Variants in PCGF5 observed in about 807,000 individuals in gnomAD.
The protein encoded by PCGF5 is polycomb group ring finger 5, also known as polycomb group RING finger protein 5.
A neutral mutation model predicts 44.3 loss-of-function variants in PCGF5; 9 were observed. The ratio of observed to expected loss-of-function variants is 0.20; its 90% confidence interval spans 0.12 to 0.35. The LOEUF (loss-of-function observed/expected upper bound fraction) is 0.35, where lower values mean the gene tolerates loss of function less well. Ranked by LOEUF, PCGF5 falls within the 10% of genes least tolerant of loss-of-function variation. The pLI, the probability that PCGF5 is intolerant of heterozygous loss-of-function variation, is 1.00. For synonymous variants in PCGF5, 95 were observed against 102.5 expected (o/e 0.93, Z 0.44); for missense variants, 146 against 305.3 (o/e 0.48, Z 3.89).
At chr10:91,168,356 T>A (rs1246377807) in intron 1 of PCGF5, among the ~76,000 whole-genome samples, 1 of 151,656 alleles carries the variant, frequency 6.6e-6, no homozygotes, top group Non-Finnish European at 1.5e-5. Context: ...GGAAGGAGAT[T>A]TCGAAGGATC....
chr10:91,188,000 A>AGGGT (rs1400619506), intron 1 of PCGF5, among the ~76,000 whole-genome samples: 5 of 150,958 alleles, frequency 3.3e-5, no homozygotes, highest in South Asian at 2.1e-4. Context: ...TTATACTTTT[A>AGGGT]AGTTTTAGGG....
At chr10:91,273,676 G>C (rs1435112246) in intron 9 of PCGF5, among the ~76,000 whole-genome samples, 1 of 151,662 alleles carries the variant, frequency 6.6e-6, no homozygotes, top group African/African-American at 2.4e-5. Context: ...CATTAGAAAA[G>C]GTGGAATCCT....
intron 1 of PCGF5, among the ~76,000 whole-genome samples, chr10:91,210,302 G>T (rs1302686544): frequency 6.6e-6 from 1 of 152,258 alleles, no homozygotes; most frequent in East Asian, 1.9e-4. Flanking sequence ...TGAACGATGT[G>T]GAGTTAGTAT....
intron 1 of PCGF5, among the ~76,000 whole-genome samples, chr10:91,188,721 T>G (rs10881900): frequency 0.53 from 80,157 of 151,914 alleles, 21,507 homozygotes; most frequent in East Asian, 0.79. Flanking sequence ...CAGAGTCCTC[T>G]GTTATGGAGG....
intron 3 of PCGF5, among the ~76,000 whole-genome samples, chr10:91,243,612 T>C (rs933151252): frequency 1.3e-5 from 2 of 152,178 alleles, no homozygotes; most frequent in South Asian, 4.1e-4. Context: ...TCCAGTATGG[T>C]AGCAATTAGC....
upstream of PCGF5, among the ~76,000 whole-genome samples, chr10:91,219,512 C>G (rs1203058045): frequency 1.3e-5 from 2 of 152,148 alleles, no homozygotes; most frequent in Non-Finnish European, 2.9e-5. Context: ...AGATATGAAG[C>G]ATAAAGAGTA....
At chr10:91,203,728 G>A (rs1417789978) in intron 1 of PCGF5, among the ~76,000 whole-genome samples, 6 of 151,948 alleles carry the variant, frequency 3.9e-5, no homozygotes, top group East Asian at 1.9e-4. Context: ...TGTTTTCTCC[G>A]TTCTCTTAAC....
intron 1 of PCGF5, among the ~76,000 whole-genome samples, chr10:91,196,627 C>G (rs1266371706): frequency 6.6e-6 from 1 of 152,150 alleles, no homozygotes; most frequent in African/African-American, 2.4e-5. Context: ...CACACTTGCC[C>G]AGCTCCTTTC....
At chr10:91,157,606 A>C in the PCGF5 span, among the ~76,000 whole-genome samples, 2 of 152,202 alleles carry the variant, frequency 1.3e-5, no homozygotes, top group Non-Finnish European at 2.9e-5. Flanking sequence ...GAGACATCCC[A>C]AAGTGGAAGT....
chr10:91,159,147 A>T (rs1252177981), upstream of PCGF5, among the ~76,000 whole-genome samples: 1 of 152,224 alleles, frequency 6.6e-6, no homozygotes, highest in Non-Finnish European at 1.5e-5. Context: ...ATCATAAGAC[A>T]TAGCTTCAAA....
At chr10:91,253,807 A>G (rs374435372) in intron 6 of PCGF5, among the ~76,000 whole-genome samples, 31 of 152,106 alleles carry the variant, frequency 2.0e-4, no homozygotes, top group African/African-American at 4.8e-4. Flanking sequence ...GCCATGACCA[A>G]TCTCAGGGTC....
intron 1 of PCGF5, among the ~76,000 whole-genome samples, chr10:91,193,497 C>G (rs966329228): frequency 8.6e-5 from 13 of 151,636 alleles, no homozygotes; most frequent in East Asian, 3.9e-4. Context: ...ACAGAGAGAA[C>G]AGTGACAGCC....
At chr10:91,201,051 G>A (rs2133233913) in intron 1 of PCGF5, among the ~76,000 whole-genome samples, 1 of 152,222 alleles carries the variant, frequency 6.6e-6, no homozygotes, top group Middle Eastern at 3.4e-3. Context: ...GGGAGGTGAT[G>A]GGGAAAGTTT....
chr10:91,163,671 A>G (rs1473689273), intron 1 of PCGF5, among the ~76,000 whole-genome samples: 2 of 151,972 alleles, frequency 1.3e-5, no homozygotes, highest in African/African-American at 2.4e-5. Flanking sequence ...AGCTCAGGTT[A>G]TTATATAAGA....
intron 1 of PCGF5, among the ~76,000 whole-genome samples, chr10:91,193,130 G>A (rs1202123136): frequency 6.6e-6 from 1 of 152,080 alleles, no homozygotes; most frequent in Non-Finnish European, 1.5e-5. Context: ...AAGAAGGAAG[G>A]CATGTAGCCT....
At chr10:91,205,793 C>T (rs7098290) in intron 1 of PCGF5, among the ~76,000 whole-genome samples, 1,720 of 152,206 alleles carry the variant, frequency 0.011, 30 homozygotes, top group African/African-American at 0.04. Context: ...AGTTTGAGAC[C>T]AGCCTGGCCA....
At chr10:91,225,377 G>A (rs1418290540) in intron 2 of PCGF5, among the ~76,000 whole-genome samples, 9 of 151,056 alleles carry the variant, frequency 6.0e-5, no homozygotes, top group African/African-American at 2.2e-4. Context: ...CAGTTTAACT[G>A]CACATGTCAT....
At chr10:91,192,465 A>G (rs561837227) in intron 1 of PCGF5, among the ~76,000 whole-genome samples, 1 of 152,346 alleles carries the variant, frequency 6.6e-6, no homozygotes, top group Admixed American at 6.5e-5. Context: ...TTTGGTATTT[A>G]TCCATCTTGC....
At chr10:91,166,594 G>T (rs749323890) in intron 1 of PCGF5, among the ~76,000 whole-genome samples, 1 of 151,964 alleles carries the variant, frequency 6.6e-6, no homozygotes, top group Non-Finnish European at 1.5e-5. Context: ...TGCTTACTTG[G>T]TATAATTATT....
Sources: gnomAD v4.1 joint callset for allele counts (sites outside exome capture counted in the v4.1 genomes callset) on GRCh38, gnomAD v4.1.1 for gene constraint, MANE v1.5 for transcripts, NCBI Gene and HGNC (gene_info 2026-07-23, HGNC 2026-07-21) for gene names.